The following DCAF17 variants were observed in gnomAD, a reference collection of about 807,000 sequenced individuals.
The protein encoded by DCAF17 is DDB1 and CUL4 associated factor 17, also known as DDB1- and CUL4-associated factor 17.
Under a neutral mutation model 66.0 loss-of-function variants are expected in DCAF17, and 48 were observed. That is an observed-to-expected ratio of 0.73 (90% CI 0.58 to 0.92). The LOEUF is 0.92. Ranked by LOEUF, DCAF17 falls within the 40% of genes least tolerant of loss-of-function variation. DCAF17 has a pLI of 0.00. For missense variants in DCAF17, 562 were observed against 622.8 expected, an observed-to-expected ratio of 0.90 and a Z score of 1.04; for synonymous variants, 206 against 214.6, an observed-to-expected ratio of 0.96 and a Z score of 0.35.
chr2:171,483,580 C>G lies in DCAF17; in HGVS notation c.*2466C>G, dbSNP rs745784916. The G allele has an allele frequency of 2.2e-6, 1 of 454,086 alleles. No homozygotes were observed. The highest frequency in any genetic ancestry group is 4.4e-6 in the Non-Finnish European group (1 of 226,784). The allele number at this position is 454,086 out of a possible 1,614,324, so 28.1% of individuals were successfully genotyped here. On this transcript the variant is annotated 3_prime_UTR_variant, in exon 14 of 14. Coordinates refer to ENST00000375255, the MANE Select transcript of DCAF17 (RefSeq NM_025000.4). ...ATTTGTGCTACCTAGTGAGGAGATACCGCTCTGTTTAGACAAATTAAGGCA... is the reference window on the plus strand; with the variant it reads ...ATTTGTGCTACCTAGTGAGGAGATAGCGCTCTGTTTAGACAAATTAAGGCA...
intron 10 of DCAF17, 129 bp downstream of exon 10, chr2:171,474,104 C>T: frequency 1.4e-6 from 1 of 736,342 alleles, no homozygotes; most frequent in African/African-American, 1.7e-5. Flanking sequence ...GGTGCTTCCT[C>T]AGAGACTGGC....
intron 11 of DCAF17, 30 bp from the exon 12 acceptor site, chr2:171,477,957 C>A: frequency 1.3e-6 from 2 of 1,583,812 alleles, no homozygotes; most frequent in South Asian, 1.1e-5. Context: ...TAGAACTTGT[C>A]ATATCTTTTT....
intron 10 of DCAF17, among the ~76,000 whole-genome samples, chr2:171,475,259 G>T (rs1559290622): frequency 6.6e-6 from 1 of 152,114 alleles, no homozygotes; most frequent in East Asian, 1.9e-4. Context: ...AGATTTGCTT[G>T]CCCATCATAT....
At chr2:171,451,337 C>T (rs1461806073) in intron 5 of DCAF17, among the ~76,000 whole-genome samples, 1 of 152,114 alleles carries the variant, frequency 6.6e-6, no homozygotes, top group Admixed American at 6.6e-5. Context: ...TTATTGGAAT[C>T]TCCTTACCCT....
In DCAF17 at chr2:171,478,999, C is replaced by T. The variant is rs1696624820; in HGVS notation, c.1266+929C>T. ...GAGATTAAAAAACAAAATATTTTAG[C>T]CTGTAAAGGAAAAGTTTGAAGAAAT... On this transcript the variant is annotated intron_variant, in intron 12 of 13. Coordinates refer to ENST00000375255, the MANE Select transcript of DCAF17 (RefSeq NM_025000.4). Among the ~76,000 whole-genome samples, 3 of 151,948 alleles carry T rather than the reference C, an allele frequency of 2.0e-5. No homozygotes were observed. In the South Asian group the frequency reaches 6.2e-4, roughly 32 times the overall value.
chr2:171,434,406 C>T lies in DCAF17; in HGVS notation c.-172C>T, dbSNP rs1693617603. 1.7e-6 allele frequency: 2 copies of T among 1,169,020 alleles called. No homozygotes were observed. The highest frequency in any genetic ancestry group is 1.3e-5 in the South Asian group (1 of 76,150). 72.4% of individuals were successfully genotyped at this position (1,169,020 alleles called of 1,614,324 possible). On this transcript the variant is annotated 5_prime_UTR_variant, in exon 1 of 14. Transcript: ENST00000375255. The stretch of plus-strand genomic sequence containing the variant: ...CTGGCGGTGCAAGCGGCTCTGCTTT[C>T]CCTCGCCCCGCCGTCGGGTGCTCCC...
chr2:171,467,508 G>A (rs1646198016), intron 8 of DCAF17, among the ~76,000 whole-genome samples: 1 of 151,996 alleles, frequency 6.6e-6, no homozygotes, highest in Non-Finnish European at 1.5e-5. Context: ...GGCCAACGTA[G>A]TGAAACCCTG....
chr2:171,474,504 C>T, intron 10 of DCAF17: 1 of 165,810 alleles, frequency 6.0e-6, no homozygotes, highest in Non-Finnish European at 1.3e-5. Flanking sequence ...CCTTCTCTAC[C>T]CAGACTTTAA....
chr2:171,458,841 A>G (rs1382620969), intron 8 of DCAF17, among the ~76,000 whole-genome samples: 3 of 152,204 alleles, frequency 2.0e-5, no homozygotes, highest in South Asian at 2.1e-4. Context: ...CCTCTCTAAG[A>G]AAGGTGTTTT....
At chr2:171,457,255 A>G (rs1695313500) in intron 6 of DCAF17, among the ~76,000 whole-genome samples, 1 of 152,220 alleles carries the variant, frequency 6.6e-6, no homozygotes, top group African/African-American at 2.4e-5. Context: ...TACAGTCTAC[A>G]ACAGAAATGA....
In DCAF17 at chr2:171,434,302, A is replaced by C; in HGVS notation, c.-276A>C. 2 of 600,126 alleles carry C rather than the reference A, an allele frequency of 3.3e-6. No individual in the cohort carries two copies. Among genetic ancestry groups the C allele is most frequent in the Non-Finnish European group, 6.1e-6 (2 of 325,414 alleles). The allele number at this position is 600,126 out of a possible 1,614,324, so 37.2% of individuals were successfully genotyped here. Reference sequence around the variant, plus strand: ...GAGCGGCTCCGGCCGGCCGCGCGGTACCGGAGCGTCGCACTGTCAGCGGCC... The same window carrying C: ...GAGCGGCTCCGGCCGGCCGCGCGGTCCCGGAGCGTCGCACTGTCAGCGGCC... On this transcript the variant is annotated 5_prime_UTR_variant, in exon 1 of 14. Coordinates refer to ENST00000375255, the MANE Select transcript of DCAF17 (RefSeq NM_025000.4).
At chr2:171,443,683 T>C in intron 3 of DCAF17, 70 bp downstream of exon 3, 1 of 1,260,038 alleles carries the variant, frequency 7.9e-7, no homozygotes, top group East Asian at 2.4e-5. Context: ...ATTATTAACA[T>C]ATTGCATAAA....
chr2:171,483,293 C>T lies in DCAF17; in HGVS notation c.*2179C>T, dbSNP rs983753930. 9 of 453,954 alleles carry T rather than the reference C, an allele frequency of 2.0e-5. No individual in the cohort carries two copies. The highest frequency in any genetic ancestry group is 4.0e-5 in the African/African-American group (2 of 49,978). The allele number at this position is 453,954 out of a possible 1,614,324, so 28.1% of individuals were successfully genotyped here. On this transcript the variant is annotated 3_prime_UTR_variant, in exon 14 of 14. Transcript: ENST00000375255. ...ATTCGAGACTCTAGCTACATGCCCA[C>T]CTACTTAACAGGTACTAGTGACAGG...
intron 9 of DCAF17, among the ~76,000 whole-genome samples, chr2:171,473,183 T>C (rs1046356700): frequency 6.6e-6 from 1 of 152,188 alleles, no homozygotes; most frequent in East Asian, 1.9e-4. Flanking sequence ...CTCTTCTGAT[T>C]GAAAGATAGT....
chr2:171,441,397 G>A (rs1694299415), intron 2 of DCAF17, among the ~76,000 whole-genome samples: 1 of 152,152 alleles, frequency 6.6e-6, no homozygotes, highest in Non-Finnish European at 1.5e-5. Flanking sequence ...TCTCAGTGTA[G>A]AACTACTGTT....
Position 171,449,961 on chromosome 2 carries a change from T to C in DCAF17, c.537+4T>C. ...AGGCTCAGCAGTGGCCCGGCAGGTATACATATTTAAACATTCAATAAAATG... is the reference window on the plus strand; with the variant it reads ...AGGCTCAGCAGTGGCCCGGCAGGTACACATATTTAAACATTCAATAAAATG... On this transcript the variant is annotated splice_donor_region_variant and intron_variant, in intron 5 of 13. Coordinates refer to ENST00000375255, the MANE Select transcript of DCAF17 (RefSeq NM_025000.4). The C allele has an allele frequency of 6.2e-7, 1 of 1,611,282 alleles. No individual in the cohort carries two copies. The highest frequency in any genetic ancestry group is 8.5e-7 in the Non-Finnish European group (1 of 1,177,544).
rs553199100 is a variant in DCAF17, at chr2:171,482,186, C to T, written c.*1072C>T. On this transcript the variant is annotated 3_prime_UTR_variant, in exon 14 of 14. Transcript: ENST00000375255. ...AGGGAGAAAATGTTTCTTTGTGCTT[C>T]CTGTTTGAGAAATTCAGTTGCTTCC... 42 of 452,090 alleles carry T rather than the reference C, an allele frequency of 9.3e-5. No homozygotes were observed. Among genetic ancestry groups the T allele is most frequent in the African/African-American group, 8.0e-4 (40 of 50,078 alleles). The allele number at this position is 452,090 out of a possible 1,614,324, so 28.0% of individuals were successfully genotyped here.
At chr2:171,440,026 A>G (rs556450333) in intron 2 of DCAF17, among the ~76,000 whole-genome samples, 1 of 152,304 alleles carries the variant, frequency 6.6e-6, no homozygotes, top group East Asian at 1.9e-4. Flanking sequence ...CACAGGTATG[A>G]TAATAGTGCA....
chr2:171,444,356 A>T (rs1694492954), intron 3 of DCAF17, among the ~76,000 whole-genome samples: 1 of 152,250 alleles, frequency 6.6e-6, no homozygotes, highest in Admixed American at 6.5e-5. Context: ...GAGATCCAAC[A>T]TGCTCCAAAA....
Sources: gnomAD v4.1 joint callset for allele counts (sites outside exome capture counted in the v4.1 genomes callset) on GRCh38, gnomAD v4.1.1 for gene constraint, MANE v1.5 for transcripts, NCBI Gene and HGNC (gene_info 2026-07-23, HGNC 2026-07-21) for gene names.